MTHFD1L: variants seen among roughly 807,000 people sequenced by gnomAD.
The protein encoded by MTHFD1L is monofunctional C1-tetrahydrofolate synthase, mitochondrial.
Under a neutral mutation model 119.5 loss-of-function variants are expected in MTHFD1L, and 81 were observed. The ratio of observed to expected loss-of-function variants is 0.68; its 90% CI spans 0.57 to 0.82. The LOEUF (loss-of-function observed/expected upper bound fraction) is 0.82. MTHFD1L is among the 40% of genes least tolerant of loss of function. The pLI is 0.00. For missense variants in MTHFD1L, 1,125 were observed against 1,253.4 expected (o/e 0.90, Z 1.55); for synonymous variants, 430 against 475.2 (o/e 0.90, Z 1.24).
At chr6:150,955,909 C>T in intron 16 of MTHFD1L, 86 bp from the exon 17 acceptor site, 1 of 1,190,576 alleles carries the variant, frequency 8.4e-7, no homozygotes, top group Non-Finnish European at 1.2e-6. Flanking sequence ...CCCTCTGCAA[C>T]TTCCTGAGCA....
At chr6:150,883,221 C>T (rs1422400769) in intron 5 of MTHFD1L, among the ~76,000 whole-genome samples, 3 of 151,922 alleles carry the variant, frequency 2.0e-5, no homozygotes, top group African/African-American at 2.4e-5. Context: ...TTAGTAGAGA[C>T]GGGGTTTTAC....
At chr6:150,899,851 AATCC>A (rs1784832109) in intron 7 of MTHFD1L, among the ~76,000 whole-genome samples, 2 of 151,934 alleles carry the variant, frequency 1.3e-5, no homozygotes, top group Non-Finnish European at 2.9e-5. Flanking sequence ...ATGCGCCTGT[AATCC>A]TAGCTACTCA....
At chr6:151,069,515 T>C (rs1207271410) in intron 26 of MTHFD1L, among the ~76,000 whole-genome samples, 2 of 152,190 alleles carry the variant, frequency 1.3e-5, no homozygotes, top group Non-Finnish European at 2.9e-5. Context: ...TGTGTTATTT[T>C]CTTATTGCAG....
intron 20 of MTHFD1L, among the ~76,000 whole-genome samples, chr6:151,004,416 T>C (rs1251116018): frequency 6.6e-6 from 1 of 152,212 alleles, no homozygotes; most frequent in East Asian, 1.9e-4. Context: ...ACTTAAGATG[T>C]AGAAATCGTC....
intron 14 of MTHFD1L, 30 bp from the exon 15 acceptor site, chr6:150,945,437 T>C (rs370166434): frequency 2.5e-6 from 4 of 1,579,578 alleles, no homozygotes; most frequent in East Asian, 4.5e-5. Context: ...CTAACTTTTG[T>C]GTGGTCTCAT....
chr6:151,074,231 TA>T (rs2128622760), intron 26 of MTHFD1L, among the ~76,000 whole-genome samples: 1 of 152,326 alleles, frequency 6.6e-6, no homozygotes, highest in South Asian at 2.1e-4. Context: ...CAAAAAGTGT[TA>T]CAGAAATTCC....
intron 20 of MTHFD1L, among the ~76,000 whole-genome samples, chr6:150,982,122 G>A (rs1332802215): frequency 2.0e-5 from 3 of 151,392 alleles, no homozygotes; most frequent in African/African-American, 7.3e-5. Flanking sequence ...GAGGGAGAGG[G>A]GGAGAGAGAG....
chr6:151,090,539 A>G (rs771313447), intron 26 of MTHFD1L, among the ~76,000 whole-genome samples: 1 of 152,122 alleles, frequency 6.6e-6, no homozygotes, highest in Non-Finnish European at 1.5e-5. Flanking sequence ...TCTAAACACC[A>G]TGCAGGGAGG....
intron 26 of MTHFD1L, among the ~76,000 whole-genome samples, chr6:151,048,455 C>T (rs1256501167): frequency 6.6e-6 from 1 of 152,130 alleles, no homozygotes; most frequent in Non-Finnish European, 1.5e-5. Context: ...ATGGGAAGTC[C>T]AGTGTAGAAC....
At chr6:150,972,543 G>A (rs542491654) in intron 20 of MTHFD1L, among the ~76,000 whole-genome samples, 85 of 152,344 alleles carry the variant, frequency 5.6e-4, no homozygotes, top group South Asian at 1.9e-3. Flanking sequence ...TCAGGAAGCC[G>A]AGGCAGGAGG....
At chr6:151,012,043 A>C (rs1376437336) in intron 21 of MTHFD1L, among the ~76,000 whole-genome samples, 8 of 147,208 alleles carry the variant, frequency 5.4e-5, no homozygotes, top group African/African-American at 1.5e-4. Flanking sequence ...AAAAAAAAAA[A>C]AAAAAAAACC....
rs75080537 is a variant in MTHFD1L at position 150,914,375 on chromosome 6, T to C, written c.893-4202T>C. Among the ~76,000 whole-genome samples, 244 of 152,268 alleles carry C rather than the reference T, an allele frequency of 1.6e-3. 1 individual carries two copies. Among genetic ancestry groups the C allele is most frequent in the African/African-American group, 5.5e-3 (230 of 41,546 alleles). On this transcript the variant is annotated intron_variant, in intron 8 of 27. Coordinates refer to ENST00000367321, the MANE Select transcript of MTHFD1L (RefSeq NM_015440.5). ...AGTAATTAAAAGGACCAAAAGTTAATTTTGCAGGTAGTAAACCTTAGCCTA... is the reference window on the plus strand; with the variant it reads ...AGTAATTAAAAGGACCAAAAGTTAACTTTGCAGGTAGTAAACCTTAGCCTA...
chr6:150,980,316 G>T (rs978925046), intron 20 of MTHFD1L, among the ~76,000 whole-genome samples: 2 of 152,160 alleles, frequency 1.3e-5, no homozygotes, highest in African/African-American at 4.8e-5. Flanking sequence ...CTCCTGTGTG[G>T]CTTGGTGCCG....
chr6:151,025,536 A>T (rs144967360), intron 24 of MTHFD1L, among the ~76,000 whole-genome samples: 2 of 152,246 alleles, frequency 1.3e-5, no homozygotes, highest in Non-Finnish European at 2.9e-5. Context: ...TTAAAATGCA[A>T]AATACGAATG....
chr6:150,989,319 G>T (rs1778743162), intron 20 of MTHFD1L, among the ~76,000 whole-genome samples: 1 of 152,128 alleles, frequency 6.6e-6, no homozygotes, highest in South Asian at 2.1e-4. Context: ...TGTGATCATG[G>T]CATTAAATAG....
chr6:151,009,975 C>A lies in MTHFD1L; in HGVS notation c.2265+17C>A. 6.3e-7 allele frequency: 1 copy of A among 1,581,148 alleles called. No individual in the cohort carries two copies. The highest frequency in any genetic ancestry group is 8.6e-7 in the Non-Finnish European group (1 of 1,168,580). On this transcript the variant is annotated intron_variant, in intron 21 of 27. Coordinates refer to ENST00000367321, the MANE Select transcript of MTHFD1L (RefSeq NM_015440.5). Reference sequence around the variant, plus strand: ...GGGCCAAGTGTAAGTGCCCACACCGCCTTCCTAATACCAAAGAAATTTCAT... The same window carrying A: ...GGGCCAAGTGTAAGTGCCCACACCGACTTCCTAATACCAAAGAAATTTCAT...
intron 18 of MTHFD1L, among the ~76,000 whole-genome samples, chr6:150,961,915 T>C (rs1255275785): frequency 6.6e-6 from 1 of 152,242 alleles, no homozygotes; most frequent in African/African-American, 2.4e-5. Context: ...TGTATGGCAA[T>C]AAATATGTGT....
At chr6:151,093,063 T>C (rs1275825563) in intron 27 of MTHFD1L, among the ~76,000 whole-genome samples, 2 of 152,182 alleles carry the variant, frequency 1.3e-5, no homozygotes, top group East Asian at 1.9e-4. Flanking sequence ...GCAAACTGGG[T>C]GGCTTAAAAC....
intron 11 of MTHFD1L, among the ~76,000 whole-genome samples, chr6:150,927,411 A>T (rs1289105518): frequency 1.3e-5 from 2 of 148,364 alleles, no homozygotes; most frequent in Non-Finnish European, 3.0e-5. Flanking sequence ...CTATGTCACC[A>T]TTTTTCATGA....
Sources: allele counts gnomAD v4.1 joint callset (sites outside exome capture counted in the v4.1 genomes callset), GRCh38; gene constraint gnomAD v4.1.1; transcripts MANE v1.5; gene names NCBI Gene and HGNC (gene_info 2026-07-23, HGNC 2026-07-21).